HDAC8: variants seen among roughly 807,000 people sequenced by gnomAD.
The protein encoded by HDAC8 is histone deacetylase-like 1.
A neutral mutation model predicts 32.2 loss-of-function variants in HDAC8; 1 was observed. The ratio of observed to expected loss-of-function variants is 0.03; its 90% CI spans 0.01 to 0.15. The LOEUF (loss-of-function observed/expected upper bound fraction) is 0.15, where lower values mean the gene tolerates loss of function less well. Among genes scored for constraint, HDAC8 ranks in the 10% least tolerant of loss-of-function variants. The pLI is 1.00. For missense variants in HDAC8, 117 were observed against 300.0 expected (o/e 0.39, Z 4.51); for synonymous variants, 108 against 113.9 (o/e 0.95, Z 0.33).
intron 7 of HDAC8, among the ~76,000 whole-genome samples, chrX:72,476,600 C>T (rs1017192334): frequency 9.0e-6 from 1 of 111,479 alleles, no homozygotes; most frequent in Non-Finnish European, 1.9e-5. Context: ...AGGTTGGATT[C>T]AGTGTTTGTA....
chrX:72,423,972 G>A lies in HDAC8; in HGVS notation c.1005+38032C>T, dbSNP rs782415285. Among the ~76,000 whole-genome samples the A allele has an allele frequency of 2.0e-4, 22 of 111,790 alleles. No homozygotes were observed. The South Asian group carries it at 4.9e-3, about 25-fold the overall frequency. On this transcript the variant is annotated intron_variant, in intron 9 of 10. Coordinates refer to ENST00000373573, the MANE Select transcript of HDAC8 (RefSeq NM_018486.3). ...TGTGTCCCATGTCTTTCTCTTTCCT[G>A]GCTTATTATCTTCATTCTGGTGGAC...
intron 9 of HDAC8, among the ~76,000 whole-genome samples, chrX:72,365,014 T>C (rs2044658628): frequency 8.9e-6 from 1 of 112,217 alleles, no homozygotes; most frequent in Admixed American, 9.5e-5. Flanking sequence ...GAGAGCCCGA[T>C]AGAAAGCACT....
At chrX:72,549,993 G>T (rs2051009896) in intron 4 of HDAC8, among the ~76,000 whole-genome samples, 1 of 111,901 alleles carries the variant, frequency 8.9e-6, no homozygotes, top group African/African-American at 3.2e-5. Context: ...AATTCTTTCA[G>T]TGACTTCTCA....
chrX:72,513,828 C>T (rs2049682578), intron 4 of HDAC8, among the ~76,000 whole-genome samples: 1 of 111,459 alleles, frequency 9.0e-6, no homozygotes, highest in Admixed American at 9.5e-5. Context: ...AATCAGGAAG[C>T]TTTAAGGGCC....
chrX:72,429,099 G>A (rs2046740553), intron 9 of HDAC8, among the ~76,000 whole-genome samples: 2 of 102,156 alleles, frequency 2.0e-5, no homozygotes, highest in Admixed American at 2.2e-4. Flanking sequence ...ACCTTCCTGT[G>A]CCCTTGTCCT....
chrX:72,389,850 G>A (rs963415132), intron 9 of HDAC8, among the ~76,000 whole-genome samples: 12 of 111,302 alleles, frequency 1.1e-4, no homozygotes, highest in Non-Finnish European at 2.1e-4. Context: ...AAGAACAGTC[G>A]GAATCAGATT....
At chrX:72,365,135 T>C (rs1233324872) in intron 9 of HDAC8, among the ~76,000 whole-genome samples, 1 of 112,229 alleles carries the variant, frequency 8.9e-6, no homozygotes, top group Non-Finnish European at 1.9e-5. Flanking sequence ...TTATATGTAC[T>C]AGTTGAGCAT....
chrX:72,384,394 C>T (rs186542800), intron 9 of HDAC8, among the ~76,000 whole-genome samples: 19 of 111,875 alleles, frequency 1.7e-4, no homozygotes, highest in Non-Finnish European at 3.2e-4. Flanking sequence ...TGCACACAGA[C>T]AGAAACCCAC....
intron 6 of HDAC8, among the ~76,000 whole-genome samples, chrX:72,490,195 C>T (rs1397040433): frequency 1.8e-5 from 2 of 109,991 alleles, no homozygotes; most frequent in African/African-American, 3.3e-5. Context: ...GTCAGTGTGG[C>T]GATTCCTCAG....
At chrX:72,336,296 T>C (rs1480883058) in intron 10 of HDAC8, among the ~76,000 whole-genome samples, 2 of 112,172 alleles carry the variant, frequency 1.8e-5, no homozygotes, top group Non-Finnish European at 3.8e-5. Flanking sequence ...TTTTCACATA[T>C]AGTCTCTGAC....
intron 9 of HDAC8, among the ~76,000 whole-genome samples, chrX:72,394,702 A>G (rs1206632904): frequency 8.9e-6 from 1 of 111,858 alleles, no homozygotes; most frequent in African/African-American, 3.2e-5. Context: ...GCCTCTGTAG[A>G]CTGCCTGGAA....
Position 72,411,256 on chromosome X carries a change from C to G in HDAC8, c.1005+50748G>C, listed in dbSNP as rs2147898923. Among the ~76,000 whole-genome samples the G allele has an allele frequency of 3.6e-5, 4 of 110,704 alleles. No homozygotes were observed. The South Asian group carries it at 1.5e-3, about 43-fold the overall frequency. ...GGCCAGTCTGGTCTTGAACTCTTGA[C>G]CTCGTGATCCTCCCACCTTGGCCTC... On this transcript the variant is annotated intron_variant, in intron 9 of 10. Transcript: ENST00000373573.
chrX:72,563,108 C>G (rs1448649163), intron 4 of HDAC8, among the ~76,000 whole-genome samples: 1 of 110,806 alleles, frequency 9.0e-6, no homozygotes, highest in Non-Finnish European at 1.9e-5. Context: ...TCTTGAACTC[C>G]TGACCTCAGG....
chrX:72,507,799 G>A (rs1460172153), intron 4 of HDAC8, among the ~76,000 whole-genome samples: 4 of 112,410 alleles, frequency 3.6e-5, no homozygotes, highest in Admixed American at 9.4e-5. Context: ...TGTCTGCAGC[G>A]TTGTGGTTTG....
intron 9 of HDAC8, among the ~76,000 whole-genome samples, chrX:72,429,019 C>CTTTTTTTTTTTTTT (rs34627755): frequency 2.3e-5 from 2 of 86,413 alleles, no homozygotes; most frequent in African/African-American, 8.6e-5. Flanking sequence ...TTCTTTCTTT[C>CTTTTTTTTTTTTTT]TTTCTTTTTT....
At chrX:72,389,432 T>G (rs999022419) in intron 9 of HDAC8, among the ~76,000 whole-genome samples, 2 of 111,939 alleles carry the variant, frequency 1.8e-5, no homozygotes, top group East Asian at 5.6e-4. Flanking sequence ...AGGTTTTGAG[T>G]CAGCAAGATC....
intron 7 of HDAC8, among the ~76,000 whole-genome samples, chrX:72,470,568 C>T (rs1324253327): frequency 9.0e-6 from 1 of 111,423 alleles, no homozygotes; most frequent in East Asian, 2.8e-4. Flanking sequence ...TAAAAGTCGC[C>T]CATCTATCCC....
chrX:72,560,587 A>G (rs1556117722), intron 4 of HDAC8, among the ~76,000 whole-genome samples: 3 of 107,037 alleles, frequency 2.8e-5, no homozygotes, highest in Non-Finnish European at 5.8e-5. Flanking sequence ...AAAAAAAAAA[A>G]AAAGAAATGG....
At chrX:72,420,816 CT>C (rs1226580018) in intron 9 of HDAC8, among the ~76,000 whole-genome samples, 5 of 111,750 alleles carry the variant, frequency 4.5e-5, no homozygotes, top group Admixed American at 1.9e-4. Flanking sequence ...TTTTTTCCAA[CT>C]CTTTCACTTT....
Sources: allele counts gnomAD v4.1 joint callset (sites outside exome capture counted in the v4.1 genomes callset), GRCh38; gene constraint gnomAD v4.1.1; transcripts MANE v1.5; gene names NCBI Gene and HGNC (gene_info 2026-07-23, HGNC 2026-07-21).